Variants in ENPP2 observed in about 807,000 individuals in gnomAD.
ENPP2 encodes autotaxin.
A neutral mutation model predicts 120.2 loss-of-function variants in ENPP2; 51 were observed. That is an observed-to-expected ratio of 0.42 (90% confidence interval 0.34 to 0.54). The LOEUF (loss-of-function observed/expected upper bound fraction) is 0.54. ENPP2 is among the 20% of genes least tolerant of loss of function. ENPP2 has a pLI of 0.04. For missense variants in ENPP2, 920 were observed against 1,066.5 expected (o/e 0.86, Z 1.91); for synonymous variants, 365 against 366.4 (o/e 1.00, Z 0.04).
At chr8:119,597,115 C>T (rs975887723) in intron 11 of ENPP2, among the ~76,000 whole-genome samples, 3 of 152,124 alleles carry the variant, frequency 2.0e-5, no homozygotes, top group African/African-American at 7.2e-5. Context: ...CCAGGGCAAG[C>T]CATGGCAAAG....
intron 1 of ENPP2, among the ~76,000 whole-genome samples, chr8:119,670,672 G>A (rs1818214328): frequency 6.6e-6 from 1 of 152,178 alleles, no homozygotes; most frequent in Non-Finnish European, 1.5e-5. Context: ...CAAGAGAAAG[G>A]GGCTTTCAGC....
At chr8:119,669,354 G>A (rs1818173596) in intron 1 of ENPP2, among the ~76,000 whole-genome samples, 1 of 152,150 alleles carries the variant, frequency 6.6e-6, no homozygotes, top group South Asian at 2.1e-4. Context: ...CATGTTTCAG[G>A]TGCATTCACA....
At chr8:119,565,955 C>G (rs1053330558) in intron 22 of ENPP2, among the ~76,000 whole-genome samples, 2 of 152,136 alleles carry the variant, frequency 1.3e-5, no homozygotes, top group African/African-American at 4.8e-5. Context: ...AATCCCAACT[C>G]CCCACCATGG....
At chr8:119,582,022 C>G (rs1313668962) in intron 18 of ENPP2, among the ~76,000 whole-genome samples, 1 of 152,156 alleles carries the variant, frequency 6.6e-6, no homozygotes, top group Non-Finnish European at 1.5e-5. Flanking sequence ...CGTGAGCCAC[C>G]ATACCTGGCC....
rs570853329 is a variant in ENPP2, at chr8:119,601,165, C to T, written c.899+232G>A. Among the ~76,000 whole-genome samples the T allele has an allele frequency of 1.3e-4, 20 of 152,320 alleles. No individual in the cohort carries two copies. The South Asian group carries it at 3.9e-3, about 30-fold the overall frequency. On this transcript the variant is annotated intron_variant, in intron 10 of 24. Transcript: ENST00000075322. ...ATTTATCAAAGCCAGAAACTCCCTTCGGCTCTGCTGTAGTGGACAGAATTA... is the reference window on the plus strand; with the variant it reads ...ATTTATCAAAGCCAGAAACTCCCTTTGGCTCTGCTGTAGTGGACAGAATTA...
At chr8:119,569,742 CTGTGTG>C (rs55992622) in intron 20 of ENPP2, among the ~76,000 whole-genome samples, 115 of 146,414 alleles carry the variant, frequency 7.9e-4, no homozygotes, top group Middle Eastern at 7.1e-3. Context: ...GACTATTTAT[CTGTGTG>C]TGTGTGTGTG....
intron 1 of ENPP2, among the ~76,000 whole-genome samples, chr8:119,670,513 T>A (rs140963519): frequency 2.7e-4 from 41 of 152,284 alleles, no homozygotes; most frequent in African/African-American, 8.7e-4. Context: ...CAAAAAGAGT[T>A]GATCCCTAAG....
intron 1 of ENPP2, among the ~76,000 whole-genome samples, chr8:119,672,848 C>A (rs1181663423): frequency 6.6e-6 from 1 of 152,174 alleles, no homozygotes; most frequent in African/African-American, 2.4e-5. Context: ...TCTTGCCAAG[C>A]CCCTGTCCCA....
At chr8:119,664,904 A>G (rs1368824121) in intron 1 of ENPP2, among the ~76,000 whole-genome samples, 1 of 152,102 alleles carries the variant, frequency 6.6e-6, no homozygotes, top group African/African-American at 2.4e-5. Context: ...CAAAAACAAA[A>G]CAATAACAAC....
chr8:119,662,827 A>T (rs1817959157), intron 1 of ENPP2, among the ~76,000 whole-genome samples: 1 of 152,226 alleles, frequency 6.6e-6, no homozygotes. Context: ...AACGGGTAGT[A>T]TAGGCCAGGC....
chr8:119,568,087 A>G, intron 22 of ENPP2, 88 bp downstream of exon 22: 1 of 760,428 alleles, frequency 1.3e-6, no homozygotes, highest in Non-Finnish European at 2.3e-6. Flanking sequence ...ATTCTTATTA[A>G]AATTAACAGA....
At position 119,557,508 on chromosome 8, in the gene ENPP2, G is replaced by T. The variant is rs111247972; in HGVS notation, c.*13C>A. 6.9e-3 allele frequency: 11,150 copies of T among 1,604,818 alleles called. 315 individuals carry two copies. In the African/African-American group the frequency reaches 0.081, roughly 12 times the overall value. On this transcript the variant is annotated 3_prime_UTR_variant, in exon 25 of 25. Coordinates refer to ENST00000075322, the MANE Select transcript of ENPP2 (RefSeq NM_001040092.3). ...AACCAGTTGATAAGACTGTACTGCA[G>T]ATGCTCAGAAAGTTAAATCTCGCTC... is the stretch of plus-strand genomic sequence containing the variant.
intron 19 of ENPP2, among the ~76,000 whole-genome samples, chr8:119,578,033 G>A (rs1812466171): frequency 1.3e-5 from 2 of 152,042 alleles, no homozygotes; most frequent in Admixed American, 6.6e-5. Context: ...AGGTGATTGT[G>A]TGTGTTTTTT....
intron 24 of ENPP2, among the ~76,000 whole-genome samples, chr8:119,559,254 G>T (rs1262851093): frequency 6.6e-6 from 1 of 152,082 alleles, no homozygotes; most frequent in Non-Finnish European, 1.5e-5. Flanking sequence ...GAGTAAGCAG[G>T]GCAAGCATGA....
intron 11 of ENPP2, chr8:119,596,007 A>G (rs760763390): frequency 2.5e-6 from 4 of 1,613,636 alleles, no homozygotes; most frequent in Non-Finnish European, 3.4e-6. Flanking sequence ...ACTCTCCTGT[A>G]CTGGCGGATA....
intron 1 of ENPP2, among the ~76,000 whole-genome samples, chr8:119,663,147 A>G (rs1817973698): frequency 6.6e-6 from 1 of 151,856 alleles, no homozygotes; most frequent in South Asian, 2.1e-4. Flanking sequence ...GAAAGAAAGA[A>G]AAAAGAAAAG....
At chr8:119,568,359 G>A in intron 21 of ENPP2, 107 bp from the exon 22 acceptor site, 2 of 685,232 alleles carry the variant, frequency 2.9e-6, no homozygotes, top group East Asian at 2.5e-5. Flanking sequence ...CAAACAACAT[G>A]AAGTAAATGA....
chr8:119,619,160 T>C (rs1815699367), intron 5 of ENPP2, 84 bp downstream of exon 5: 1 of 1,031,466 alleles, frequency 9.7e-7, no homozygotes, highest in Non-Finnish European at 1.5e-6. Context: ...TTCCACATTG[T>C]TTCTAAATAC....
chr8:119,580,462 C>T (rs1193261017), intron 18 of ENPP2: 3 of 362,252 alleles, frequency 8.3e-6, no homozygotes, highest in East Asian at 1.0e-4. Flanking sequence ...ATGACTTGGG[C>T]ATATATGTGT....
Sources: gnomAD v4.1 joint callset for allele counts (sites outside exome capture counted in the v4.1 genomes callset) on GRCh38, gnomAD v4.1.1 for gene constraint, MANE v1.5 for transcripts, NCBI Gene and HGNC (gene_info 2026-07-23, HGNC 2026-07-21) for gene names.